The following QPCT variants were observed in gnomAD, a reference collection of about 807,000 sequenced individuals.
QPCT encodes EC.
QPCT carries 44 observed loss-of-function variants against 43.4 expected under a neutral mutation model. The observed-to-expected ratio is 1.01, with a 90% CI of 0.80 to 1.30. QPCT has a LOEUF of 1.30. QPCT is among the 50% of genes most tolerant of loss of function. QPCT has a pLI of 0.00. For missense variants in QPCT, 526 were observed against 436.5 expected (o/e 1.21, Z -1.83); for synonymous variants, 168 against 168.4 (o/e 1.00, Z 0.02).
intron 3 of QPCT, among the ~76,000 whole-genome samples, chr2:37,364,617 G>A (rs987288777): frequency 3.3e-5 from 5 of 152,224 alleles, no homozygotes; most frequent in African/African-American, 1.2e-4. Flanking sequence ...CGATGTTTGT[G>A]TACATGGAAA....
At chr2:37,372,330 A>C in intron 5 of QPCT, 26 bp from the exon 6 acceptor site, 4 of 1,472,812 alleles carry the variant, frequency 2.7e-6, no homozygotes, top group Non-Finnish European at 3.8e-6. Context: ...ATAGTTGTTC[A>C]TTTACTGTAT....
chr2:37,349,830 G>GA (rs11402827), intron 1 of QPCT, among the ~76,000 whole-genome samples: 92,000 of 151,974 alleles, frequency 0.61, 28,464 homozygotes, highest in East Asian at 0.91. Flanking sequence ...TACAGTGGCA[G>GA]AAAAATGCCC....
intron 2 of QPCT, 45 bp from the exon 3 acceptor site, chr2:37,359,535 G>A (rs199611307): frequency 2.1e-5 from 33 of 1,545,406 alleles, no homozygotes; most frequent in East Asian, 4.5e-5. Context: ...ACAAATGAAA[G>A]CCATTTCTTT....
intron 3 of QPCT, among the ~76,000 whole-genome samples, chr2:37,364,735 G>A (rs999450596): frequency 6.6e-6 from 1 of 152,134 alleles, no homozygotes; most frequent in Non-Finnish European, 1.5e-5. Context: ...ATTTCCGGGG[G>A]AACCTCAGGA....
intron 2 of QPCT, among the ~76,000 whole-genome samples, chr2:37,355,564 G>T (rs1325142782): frequency 2.0e-5 from 3 of 152,072 alleles, no homozygotes; most frequent in Non-Finnish European, 4.4e-5. Context: ...GCATTACTAT[G>T]GGTTCTCTTT....
intron 6 of QPCT, 47 bp downstream of exon 6, chr2:37,372,519 CTGATTTTGGAGTACAACGG>C (rs764092439): frequency 6.6e-7 from 1 of 1,521,158 alleles, no homozygotes; most frequent in Non-Finnish European, 9.1e-7. Flanking sequence ...CGTGCACAGC[CTGATTTTGGAGTACAACGG>C]TGGGATATGA....
chr2:37,363,444 G>C (rs1462733847), intron 3 of QPCT, among the ~76,000 whole-genome samples: 1 of 140,600 alleles, frequency 7.1e-6, no homozygotes, highest in Non-Finnish European at 1.5e-5. Context: ...GCAACATAGT[G>C]AGGCTCCCTC....
chr2:37,348,999 A>C (rs1380185135), intron 1 of QPCT, among the ~76,000 whole-genome samples: 2 of 152,144 alleles, frequency 1.3e-5, no homozygotes, highest in Non-Finnish European at 2.9e-5. Flanking sequence ...TTGTATATCT[A>C]TTGAGTTCTG....
In QPCT at chr2:37,369,781, A is replaced by G. The variant is rs1673036302; in HGVS notation, c.820A>G (p.Ile274Val). The G allele has an allele frequency of 6.4e-7, 1 of 1,562,354 alleles. No individual in the cohort carries two copies. Among genetic ancestry groups the G allele is most frequent in the Non-Finnish European group, 8.8e-7 (1 of 1,132,934 alleles). ...CAGGTGGTTCGAAAGACTTCAAGCA[A>G]TTGGTAAGCACCACTGTTATTAATG... The part of the protein sequence containing the change: ...SARWFERLQA[I>V]EHELHELGLL... Residue 274 changes from isoleucine (I) to valine (V), a missense_variant, in exon 5 of 7, where the codon ATT (isoleucine) becomes GTT (valine). Coordinates refer to ENST00000338415, the MANE Select transcript of QPCT (RefSeq NM_012413.4).
intron 3 of QPCT, among the ~76,000 whole-genome samples, chr2:37,360,918 G>C (rs976685407): frequency 6.6e-6 from 1 of 152,144 alleles, no homozygotes; most frequent in Non-Finnish European, 1.5e-5. Context: ...CTAGTATAAG[G>C]ACACAAAATG....
chr2:37,353,947 C>T (rs1672680207), intron 2 of QPCT, among the ~76,000 whole-genome samples: 1 of 152,240 alleles, frequency 6.6e-6, no homozygotes, highest in Non-Finnish European at 1.5e-5. Flanking sequence ...TCCCTGCAAC[C>T]TCCACCTCCT....
At chr2:37,351,972 G>A (rs758714260) in intron 1 of QPCT, among the ~76,000 whole-genome samples, 54 of 151,358 alleles carry the variant, frequency 3.6e-4, no homozygotes, top group Non-Finnish European at 7.5e-4. Flanking sequence ...GGAGGTTGCA[G>A]TGAGCCAGAT....
At position 37,372,872 on chromosome 2, in the gene QPCT, A is replaced by G. The variant is rs757619021; in HGVS notation, c.*45A>G. 39 of 1,503,678 alleles carry G rather than the reference A, an allele frequency of 2.6e-5. No individual in the cohort carries two copies. The highest frequency in any genetic ancestry group is 3.3e-5 in the Non-Finnish European group (36 of 1,103,056). The allele number at this position is 1,503,678 out of a possible 1,614,324, so 93.1% of individuals were successfully genotyped here. A position where few individuals can be genotyped will look rare whatever the true frequency, so the allele number is the denominator to read the frequency against. The stretch of plus-strand genomic sequence containing the variant: ...ATAATTGGTTCTAGAATTGAATTCA[A>G]AAGTCAAGGCATCATTTAAAATAAT... On this transcript the variant is annotated 3_prime_UTR_variant, in exon 7 of 7. Coordinates refer to ENST00000338415, the MANE Select transcript of QPCT (RefSeq NM_012413.4).
intron 1 of QPCT, 71 bp downstream of exon 1, chr2:37,344,922 G>A (rs1672448693): frequency 2.0e-6 from 3 of 1,474,732 alleles, no homozygotes; most frequent in African/African-American, 1.5e-5. Flanking sequence ...GGCCGGGTCA[G>A]CCCTACCTAG....
intron 1 of QPCT, among the ~76,000 whole-genome samples, chr2:37,345,878 C>T (rs1672477866): frequency 6.7e-6 from 1 of 149,618 alleles, no homozygotes; most frequent in Admixed American, 6.7e-5. Context: ...TTCACAATTA[C>T]ATGGGTTCAC....
At position 37,369,750 on chromosome 2, in the gene QPCT, C is replaced by G; in HGVS notation, c.789C>G (p.Asn263Lys). The change falls in exon 5 of 7, where the codon AAC becomes AAG. Residue 263 changes from asparagine to lysine, a missense_variant. Physicochemically the swap from Asn to Lys is moderately conservative, Grantham distance 94. Transcript: ENST00000338415. Reference protein sequence around the residue: ...PNPTFPNFFPNSARWFERLQA... With the variant: ...PNPTFPNFFPKSARWFERLQA... ...CAACGTTTCCCAATTTTTTTCCAAA[C>G]TCAGCCAGGTGGTTCGAAAGACTTC... The G allele has an allele frequency of 1.2e-6, 2 of 1,605,784 alleles. No individual in the cohort carries two copies. The highest frequency in any genetic ancestry group is 1.7e-6 in the Non-Finnish European group (2 of 1,172,418).
chr2:37,344,801 T>G lies in QPCT; in HGVS notation c.70T>G (p.Trp24Gly). 1.2e-6 allele frequency: 2 copies of G among 1,609,382 alleles called. No individual in the cohort carries two copies. Among genetic ancestry groups the G allele is most frequent in the Non-Finnish European group, 1.7e-6 (2 of 1,178,384 alleles). Residue 24 changes from tryptophan (W) to glycine (G), a missense_variant, in exon 1 of 7, where the codon TGG becomes GGG. Transcript: ENST00000338415. The part of the protein sequence containing the change: ...HLLLLVAALP[W>G]ASRGVSPSAS... Reference sequence around the variant, plus strand: ...GCTGCTGCTGGTGGCCGCCCTGCCCTGGGCATCCAGGGGGGTCAGTCCGAG... The same window carrying G: ...GCTGCTGCTGGTGGCCGCCCTGCCCGGGGCATCCAGGGGGGTCAGTCCGAG...
chr2:37,364,488 C>T (rs576829745), intron 3 of QPCT, among the ~76,000 whole-genome samples: 100 of 152,286 alleles, frequency 6.6e-4, no homozygotes, highest in Non-Finnish European at 1.1e-3. Context: ...GTGTCTGGAA[C>T]GCTTGACCAC....
chr2:37,349,846 A>T (rs1478437819), intron 1 of QPCT, among the ~76,000 whole-genome samples: 1 of 152,100 alleles, frequency 6.6e-6, no homozygotes, highest in African/African-American at 2.4e-5. Context: ...TGCCCATGTT[A>T]CTTTATTATT....
Sources: gnomAD v4.1 joint callset for allele counts (sites outside exome capture counted in the v4.1 genomes callset) on GRCh38, gnomAD v4.1.1 for gene constraint, MANE v1.5 for transcripts, NCBI Gene and HGNC (gene_info 2026-07-23, HGNC 2026-07-21) for gene names.